Variants in RAB3GAP1 observed in about 807,000 individuals in gnomAD.
RAB3GAP1 encodes RAB3 GTPase activating protein catalytic subunit 1, also known as rab3 GTPase-activating protein catalytic subunit.
In RAB3GAP1, 86 loss-of-function variants were observed where a neutral mutation model predicts 130.7. That is an observed-to-expected ratio of 0.66 (90% CI 0.55 to 0.79). The LOEUF is 0.79. Among genes scored for constraint, RAB3GAP1 ranks in the 30% least tolerant of loss-of-function variants. RAB3GAP1 has a pLI of 0.00. For synonymous variants in RAB3GAP1, 367 were observed against 401.7 expected, an observed-to-expected ratio of 0.91 and a Z score of 1.03; for missense variants, 1,029 against 1,169.4, an observed-to-expected ratio of 0.88 and a Z score of 1.75.
intron 3 of RAB3GAP1, among the ~76,000 whole-genome samples, chr2:135,082,730 C>T (rs760914558): frequency 2.6e-5 from 4 of 152,066 alleles, no homozygotes; most frequent in South Asian, 2.1e-4. Context: ...CGCGAGCCAC[C>T]GTGACCGGCC....
intron 3 of RAB3GAP1, among the ~76,000 whole-genome samples, chr2:135,089,273 A>G (rs998894972): frequency 6.6e-6 from 1 of 152,222 alleles, no homozygotes; most frequent in East Asian, 1.9e-4. Context: ...TACAAGTACC[A>G]TGCTGTTTTG....
intron 11 of RAB3GAP1, among the ~76,000 whole-genome samples, chr2:135,129,341 A>G (rs1420497994): frequency 6.6e-6 from 1 of 151,400 alleles, no homozygotes; most frequent in Non-Finnish European, 1.5e-5. Flanking sequence ...AGTCCCAGCT[A>G]CTTGGGAGGC....
In RAB3GAP1 at chr2:135,117,546, T is replaced by TCTTCTTCTG. The variant is rs1558784318; in HGVS notation, c.648+2173_648+2174insGCTTCTTCT. On this transcript the variant is annotated intron_variant, in intron 7 of 23. Coordinates refer to ENST00000264158, the MANE Select transcript of RAB3GAP1 (RefSeq NM_012233.3). The stretch of plus-strand genomic sequence containing the variant: ...TGCTTCTTCTGCTTCTTCTTCTGCT[T>TCTTCTTCTG]CTTCTTCTTCTGCTTCTTCTTCTGC... Among the ~76,000 whole-genome samples the TCTTCTTCTG allele has an allele frequency of 4.5e-3, 466 of 103,924 alleles. 23 individuals are homozygous for TCTTCTTCTG. The highest frequency in any genetic ancestry group is 0.018 in the African/African-American group (420 of 22,710). The allele number at this position is 103,924 out of a possible 152,430, so 68.2% of individuals were successfully genotyped here.
intron 3 of RAB3GAP1, among the ~76,000 whole-genome samples, chr2:135,088,952 G>C (rs1690063422): frequency 6.6e-6 from 1 of 152,094 alleles, no homozygotes; most frequent in Admixed American, 6.5e-5. Flanking sequence ...TGTTGCCATT[G>C]CTTTTGGTGT....
At chr2:135,072,022 C>T (rs12469098) in intron 3 of RAB3GAP1, among the ~76,000 whole-genome samples, 24,256 of 152,158 alleles carry the variant, frequency 0.16, 2,502 homozygotes, top group East Asian at 0.38. Flanking sequence ...AAGCAGTTCT[C>T]GTGCCTCAGC....
At chr2:135,109,189 T>G (rs527511762) in intron 5 of RAB3GAP1, among the ~76,000 whole-genome samples, 1 of 152,204 alleles carries the variant, frequency 6.6e-6, no homozygotes, top group South Asian at 2.1e-4. Flanking sequence ...AACTTTAAAC[T>G]CAGTTTGTGG....
At chr2:135,079,967 A>C (rs1689743384) in intron 3 of RAB3GAP1, among the ~76,000 whole-genome samples, 1 of 152,118 alleles carries the variant, frequency 6.6e-6, no homozygotes, top group East Asian at 1.9e-4. Context: ...AATACAAAAA[A>C]TTAGCCGGGC....
chr2:135,086,899 GTGATCCTCCCTGA>G (rs1479846387), intron 3 of RAB3GAP1, among the ~76,000 whole-genome samples: 2 of 152,144 alleles, frequency 1.3e-5, no homozygotes, highest in East Asian at 3.9e-4. Flanking sequence ...CTGACTTCAA[GTGATCCTCCCTGA>G]TGGACCTCCC....
intron 22 of RAB3GAP1, among the ~76,000 whole-genome samples, chr2:135,163,370 T>A (rs1003907301): frequency 6.6e-6 from 1 of 152,194 alleles, no homozygotes; most frequent in African/African-American, 2.4e-5. Context: ...CTTGGAGATG[T>A]GGTGTCTGGA....
At chr2:135,055,866 T>A (rs1688993474) in intron 2 of RAB3GAP1, among the ~76,000 whole-genome samples, 1 of 152,008 alleles carries the variant, frequency 6.6e-6, no homozygotes, top group African/African-American at 2.4e-5. Flanking sequence ...AGACGGAGTC[T>A]CGCTCTGTCG....
chr2:135,117,663 G>GCTTCTGCTTCTTCTGCTTCTGCTT (rs1691051128), intron 7 of RAB3GAP1, among the ~76,000 whole-genome samples: 4 of 39,854 alleles, frequency 1.0e-4, no homozygotes, highest in African/African-American at 2.1e-4. Flanking sequence ...TGCTTCTTCT[G>GCTTCTGCTTCTTCTGCTTCTGCTT]CTTCTGCTTC....
chr2:135,149,048 A>G (rs1370143007), intron 17 of RAB3GAP1, among the ~76,000 whole-genome samples: 3 of 152,190 alleles, frequency 2.0e-5, no homozygotes, highest in African/African-American at 4.8e-5. Context: ...GCCCACATGC[A>G]ACTTGCTGCT....
chr2:135,142,165 G>A (rs1319658997), intron 17 of RAB3GAP1, among the ~76,000 whole-genome samples: 1 of 152,062 alleles, frequency 6.6e-6, no homozygotes, highest in Non-Finnish European at 1.5e-5. Context: ...TTAATATTGA[G>A]TCCATTAAAT....
intron 3 of RAB3GAP1, among the ~76,000 whole-genome samples, chr2:135,065,767 ATTTTTTTTT>A (rs1201634667): frequency 3.8e-4 from 47 of 123,922 alleles, no homozygotes; most frequent in African/African-American, 1.5e-3. Context: ...ATCTTCACTA[ATTTTTTTTT>A]TTTTTTTTTT....
chr2:135,107,975 C>CA lies in RAB3GAP1; in HGVS notation c.363-5149dup, dbSNP rs59782185. Among the ~76,000 whole-genome samples the CA allele has an allele frequency of 4.3e-3, 223 of 51,870 alleles. 13 individuals are homozygous for CA. The highest frequency in any genetic ancestry group is 7.4e-3 in the Non-Finnish European group (162 of 21,936). 34.0% of individuals were successfully genotyped at this position (51,870 alleles called of 152,430 possible). A position where few individuals can be genotyped will look rare whatever the true frequency, so the allele number is the denominator to read the frequency against. ...GGGCAAGAAGAGTGAAACTCCATCTCAAAAAAAAAAAAAAAAAAAAAAAAA... is the reference window on the plus strand; with the variant it reads ...GGGCAAGAAGAGTGAAACTCCATCTCAAAAAAAAAAAAAAAAAAAAAAAAAA... On this transcript the variant is annotated intron_variant, in intron 5 of 23. Transcript: ENST00000264158.
At chr2:135,110,752 AC>A (rs1370186199) in intron 5 of RAB3GAP1, among the ~76,000 whole-genome samples, 8 of 152,228 alleles carry the variant, frequency 5.3e-5, no homozygotes, top group African/African-American at 1.9e-4. Flanking sequence ...GCAGCATAAA[AC>A]TGGAAATAAA....
intron 13 of RAB3GAP1, among the ~76,000 whole-genome samples, chr2:135,131,635 CAG>C (rs1168041509): frequency 6.6e-6 from 1 of 152,190 alleles, no homozygotes; most frequent in Admixed American, 6.5e-5. Context: ...CTAGGTATAA[CAG>C]AGTGGAATGG....
chr2:135,086,572 A>AT (rs1052887200), intron 3 of RAB3GAP1, among the ~76,000 whole-genome samples: 3 of 124,252 alleles, frequency 2.4e-5, no homozygotes, highest in South Asian at 2.4e-4. Context: ...TGGATTGTTC[A>AT]TTTTTTTTAT....
chr2:135,079,974 G>A (rs575038506), intron 3 of RAB3GAP1, among the ~76,000 whole-genome samples: 12 of 152,104 alleles, frequency 7.9e-5, no homozygotes, highest in Admixed American at 2.0e-4. Context: ...AAAATTAGCC[G>A]GGCGCAGTGG....
Sources: gnomAD v4.1 joint callset for allele counts (sites outside exome capture counted in the v4.1 genomes callset) on GRCh38, gnomAD v4.1.1 for gene constraint, MANE v1.5 for transcripts, NCBI Gene and HGNC (gene_info 2026-07-23, HGNC 2026-07-21) for gene names.